Variants in OTOA observed in about 807,000 individuals in gnomAD.
The protein encoded by OTOA is otoancorin, also known as cancer/testis antigen 108.
In OTOA, 70 loss-of-function variants were observed where a neutral mutation model predicts 110.8. The observed-to-expected ratio is 0.63, with a 90% CI of 0.52 to 0.77. The LOEUF is 0.77. Among genes scored for constraint, OTOA ranks in the 30% least tolerant of loss-of-function variants. The pLI is 0.00. For synonymous variants in OTOA, 373 were observed against 431.5 expected (o/e 0.86, Z 1.68); for missense variants, 917 against 1,075.8 (o/e 0.85, Z 2.06).
At chr16:21,711,661 G>T (rs1250992303) in intron 13 of OTOA, among the ~76,000 whole-genome samples, 2 of 152,120 alleles carry the variant, frequency 1.3e-5, no homozygotes, top group Non-Finnish European at 2.9e-5. Flanking sequence ...TAGAGACGAG[G>T]TTTCGCCATG....
chr16:21,734,054 C>G (rs1156822797), intron 21 of OTOA, among the ~76,000 whole-genome samples: 2 of 151,588 alleles, frequency 1.3e-5, no homozygotes, highest in Non-Finnish European at 2.9e-5. Flanking sequence ...CCTGCTTGGG[C>G]CTCCCAAGTG....
chr16:21,683,994 C>T (rs952296002), intron 6 of OTOA, among the ~76,000 whole-genome samples: 2 of 151,978 alleles, frequency 1.3e-5, no homozygotes, highest in South Asian at 2.1e-4. Flanking sequence ...GTCTCAAACT[C>T]CTGACCTCAT....
chr16:21,719,110 T>C, intron 15 of OTOA, 23 bp from the exon 16 acceptor site: 1 of 1,610,628 alleles, frequency 6.2e-7, no homozygotes. Context: ...CCATCAGTGC[T>C]AACGATCATT....
At position 21,705,044 on chromosome 16, in the gene OTOA, T is replaced by C. The variant is rs201435154; in HGVS notation, c.981-125T>C. 98 of 1,469,988 alleles carry C rather than the reference T, an allele frequency of 6.7e-5. No homozygotes were observed. Among genetic ancestry groups the C allele is most frequent in the Non-Finnish European group, 8.9e-5 (93 of 1,049,974 alleles). The allele number at this position is 1,469,988 out of a possible 1,614,324, so 91.1% of individuals were successfully genotyped here. ...TTCATCTGAGGATGTTCAGGTTATGTGACCTTCAACCTGGGAGTCCGTGGC... is the reference window on the plus strand; with the variant it reads ...TTCATCTGAGGATGTTCAGGTTATGCGACCTTCAACCTGGGAGTCCGTGGC... On this transcript the variant is annotated intron_variant, in intron 11 of 28. Transcript: ENST00000646100.
chr16:21,753,299 A>G lies in OTOA; in HGVS notation c.3153+175A>G, dbSNP rs188930108. On this transcript the variant is annotated intron_variant, in intron 27 of 28. Transcript: ENST00000646100. ...AAAAAACATTTTTCTTAAAATTACAATATGTAGTTTAATTATATTTATTTT... is the reference window on the plus strand; with the variant it reads ...AAAAAACATTTTTCTTAAAATTACAGTATGTAGTTTAATTATATTTATTTT... 6.0e-4 allele frequency among the ~76,000 whole-genome samples: 69 copies of G among 114,190 alleles called. 20 individuals are homozygous for G. In the East Asian group the frequency reaches 0.015, roughly 25 times the overall value. The allele number at this position is 114,190 out of a possible 152,430, so 74.9% of individuals were successfully genotyped here.
intron 9 of OTOA, among the ~76,000 whole-genome samples, chr16:21,692,199 C>A (rs1897844246): frequency 6.6e-6 from 1 of 151,930 alleles, no homozygotes; most frequent in East Asian, 1.9e-4. Flanking sequence ...TGGTGGCGGG[C>A]ACCTGTAATC....
intron 9 of OTOA, among the ~76,000 whole-genome samples, chr16:21,693,572 G>A (rs1041821553): frequency 2.0e-5 from 3 of 151,998 alleles, no homozygotes; most frequent in South Asian, 2.1e-4. Context: ...TACTGGTAGC[G>A]GCTATGAAGA....
chr16:21,675,451 C>T (rs533473094), intron 1 of OTOA, among the ~76,000 whole-genome samples: 62 of 151,236 alleles, frequency 4.1e-4, no homozygotes, highest in African/African-American at 1.4e-3. Context: ...CCACTGTGCC[C>T]TGCTAATGAT....
At chr16:21,712,953 G>A (rs899000195) in intron 13 of OTOA, among the ~76,000 whole-genome samples, 3 of 152,024 alleles carry the variant, frequency 2.0e-5, no homozygotes, top group Non-Finnish European at 2.9e-5. Context: ...TCAGGAACTG[G>A]GGGGTTTCTT....
chr16:21,700,779 G>T (rs778343449), intron 10 of OTOA, 109 bp from the exon 11 acceptor site: 78 of 1,277,122 alleles, frequency 6.1e-5, no homozygotes, highest in Non-Finnish European at 7.9e-5. Context: ...AGAACCAGGA[G>T]GTGTATCCAA....
chr16:21,747,048 C>A (rs1184271750), intron 24 of OTOA, among the ~76,000 whole-genome samples: 1 of 151,366 alleles, frequency 6.6e-6, no homozygotes, highest in Admixed American at 6.6e-5. Flanking sequence ...ACATAGTAGT[C>A]AATAAAAATT....
intron 1 of OTOA, among the ~76,000 whole-genome samples, chr16:21,670,638 T>A (rs1966847785): frequency 6.6e-6 from 1 of 152,302 alleles, no homozygotes; most frequent in South Asian, 2.1e-4. Flanking sequence ...AACTGCTGTA[T>A]TCTCAGAGCA....
At chr16:21,692,858 G>A (rs937379839) in intron 9 of OTOA, among the ~76,000 whole-genome samples, 4 of 150,036 alleles carry the variant, frequency 2.7e-5, no homozygotes, top group Non-Finnish European at 5.9e-5. Context: ...AACCCAGGAG[G>A]TGGAGGTTAC....
intron 14 of OTOA, among the ~76,000 whole-genome samples, chr16:21,716,058 T>A (rs1017555350): frequency 2.7e-5 from 4 of 150,854 alleles, no homozygotes; most frequent in South Asian, 2.1e-4. Flanking sequence ...TACAGGCCTG[T>A]GCTGCTCACT....
chr16:21,715,125 T>C lies in OTOA; in HGVS notation c.1461T>C (p.Pro487=). 1 of 1,614,196 alleles carries C rather than the reference T, an allele frequency of 6.2e-7. No individual in the cohort carries two copies. The change falls in exon 14 of 29, where the codon CCT becomes CCC. Residue 487 remains proline, a synonymous_variant. Coordinates refer to ENST00000646100, the MANE Select transcript of OTOA (RefSeq NM_144672.4). ...AVSQYVSDLS[P]AQQQGILSKM... The stretch of plus-strand genomic sequence containing the variant: ...CCCAGTATGTATCCGACTTGTCACC[T>C]GCCCAGCAGCAAGGTATCCTCAGCA...
chr16:21,686,978 G>A (rs367620094), intron 7 of OTOA, among the ~76,000 whole-genome samples: 13 of 152,130 alleles, frequency 8.5e-5, no homozygotes, highest in Admixed American at 1.3e-4. Flanking sequence ...GAGGAAAGAC[G>A]CATGAGTCCC....
In OTOA at chr16:21,736,410, C is replaced by G; in HGVS notation, c.2431+20C>G. The G allele has an allele frequency of 1.9e-6, 3 of 1,614,078 alleles. No individual in the cohort carries two copies. Among genetic ancestry groups the G allele is most frequent in the Non-Finnish European group, 2.5e-6 (3 of 1,179,954 alleles). On this transcript the variant is annotated intron_variant, in intron 22 of 28. Transcript: ENST00000646100. ...TGCCTGGTGAGTGTTTTCAGGGTATCTGAGCCATTGCTGACATAGTAATTA... is the reference window on the plus strand; with the variant it reads ...TGCCTGGTGAGTGTTTTCAGGGTATGTGAGCCATTGCTGACATAGTAATTA...
chr16:21,718,317 G>A (rs1328038214), intron 15 of OTOA, among the ~76,000 whole-genome samples: 4 of 151,970 alleles, frequency 2.6e-5, no homozygotes, highest in Non-Finnish European at 4.4e-5. Context: ...CTTTTGTCTC[G>A]GCCATTGAGC....
At chr16:21,686,808 G>A (rs1303170395) in intron 7 of OTOA, among the ~76,000 whole-genome samples, 3 of 152,048 alleles carry the variant, frequency 2.0e-5, no homozygotes, top group Non-Finnish European at 4.4e-5. Context: ...TGGGAGGATC[G>A]CTCAATCCCA....
Sources: gnomAD v4.1 joint callset for allele counts (sites outside exome capture counted in the v4.1 genomes callset) on GRCh38, gnomAD v4.1.1 for gene constraint, MANE v1.5 for transcripts, NCBI Gene and HGNC (gene_info 2026-07-23, HGNC 2026-07-21) for gene names.